Variants in ACYP2 observed in about 807,000 individuals in gnomAD.
ACYP2 encodes acylphosphatase-2.
Under a neutral mutation model 11.2 loss-of-function variants are expected in ACYP2, and 12 were observed. That is an observed-to-expected ratio of 1.08 (90% confidence interval 0.69 to 1.74). The LOEUF (loss-of-function observed/expected upper bound fraction) is 1.74. ACYP2 is among the 40% of genes most tolerant of loss of function. The probability of loss-of-function intolerance (pLI) is 0.00; values close to 1 mark genes in which losing one functional copy is unlikely to be tolerated. For missense variants in ACYP2, 134 were observed against 101.9 expected (o/e 1.31, Z -1.35); for synonymous variants, 43 against 32.2 (o/e 1.33, Z -1.13).
chr2:54,067,050 A>T (rs1676787082), intron 4 of ACYP2, among the ~76,000 whole-genome samples: 1 of 152,244 alleles, frequency 6.6e-6, no homozygotes, highest in Non-Finnish European at 1.5e-5. Flanking sequence ...CTCTGATGGT[A>T]ACACTTTTGT....
At chr2:54,113,096 AACAT>A (rs1444067026) in intron 4 of ACYP2, among the ~76,000 whole-genome samples, 1 of 152,188 alleles carries the variant, frequency 6.6e-6, no homozygotes, top group Non-Finnish European at 1.5e-5. Context: ...TCCTAATAGA[AACAT>A]ACATACACAT....
intron 4 of ACYP2, among the ~76,000 whole-genome samples, chr2:54,107,653 T>C (rs573410044): frequency 8.5e-5 from 13 of 152,356 alleles, no homozygotes; most frequent in Non-Finnish European, 1.8e-4. Context: ...TGAAAGAGGC[T>C]CTTGGTCACT....
At chr2:54,237,952 T>G (rs908694506) in intron 6 of ACYP2, among the ~76,000 whole-genome samples, 2 of 152,268 alleles carry the variant, frequency 1.3e-5, no homozygotes, top group Middle Eastern at 3.4e-3. Context: ...CGTTACTCGC[T>G]TGTCTCTATC....
At chr2:54,101,039 G>A (rs1259754104) in intron 4 of ACYP2, among the ~76,000 whole-genome samples, 1 of 152,198 alleles carries the variant, frequency 6.6e-6, no homozygotes, top group African/African-American at 2.4e-5. Context: ...TAGCAGCTGA[G>A]GGTACCACTA....
At chr2:54,204,697 T>A (rs1281094580) in intron 6 of ACYP2, among the ~76,000 whole-genome samples, 3 of 152,218 alleles carry the variant, frequency 2.0e-5, no homozygotes, top group African/African-American at 7.2e-5. Flanking sequence ...TGAGCTCCTT[T>A]GATCTAAAAA....
In ACYP2 at chr2:54,260,529, A is replaced by T. The variant is rs186752342; in HGVS notation, c.405-44159A>T. On this transcript the variant is annotated intron_variant, in intron 6 of 6. Coordinates refer to ENST00000607452, the MANE Select transcript of ACYP2 (RefSeq NM_001320586.2). The stretch of plus-strand genomic sequence containing the variant: ...GGCAAGAGAATAATTATAATAATTG[A>T]TCTTAGAGTTTAAGCTGGAGGACGG... Among the ~76,000 whole-genome samples the T allele has an allele frequency of 5.6e-4, 86 of 152,276 alleles. 1 individual carries two copies. The highest frequency in any genetic ancestry group is 1.0e-4 in the Non-Finnish European group (7 of 68,024).
At chr2:53,978,207 A>G (rs1338581788) in intron 2 of ACYP2, among the ~76,000 whole-genome samples, 1 of 151,088 alleles carries the variant, frequency 6.6e-6, no homozygotes, top group African/African-American at 2.4e-5. Context: ...GATTGCAGTG[A>G]GCTGAGATCG....
At position 54,240,373 on chromosome 2, in the gene ACYP2, T is replaced by C. The variant is rs116707755; in HGVS notation, c.405-64315T>C. On this transcript the variant is annotated intron_variant, in intron 6 of 6. Transcript: ENST00000607452. Reference sequence around the variant, plus strand: ...ATTCTGCATATGTGGTGAAGCCTTCTTGGTGAGCAGACAAACAAAAAAGAA... The same window carrying C: ...ATTCTGCATATGTGGTGAAGCCTTCCTGGTGAGCAGACAAACAAAAAAGAA... 3.5e-3 allele frequency among the ~76,000 whole-genome samples: 528 copies of C among 152,340 alleles called. 4 individuals are homozygous for C. Among genetic ancestry groups the C allele is most frequent in the African/African-American group, 0.012 (494 of 41,564 alleles).
chr2:54,138,015 G>C (rs558695694), intron 5 of ACYP2, among the ~76,000 whole-genome samples: 40 of 152,228 alleles, frequency 2.6e-4, no homozygotes, highest in Admixed American at 8.5e-4. Flanking sequence ...GTTTTCATTT[G>C]CATTTCTCTA....
intron 2 of ACYP2, among the ~76,000 whole-genome samples, chr2:54,015,302 G>A (rs555598920): frequency 3.3e-4 from 45 of 137,348 alleles, no homozygotes; most frequent in African/African-American, 1.0e-3. Context: ...ATGTGAGGAC[G>A]GGAGTTCAAG....
At chr2:54,198,143 C>A (rs1684594003) in intron 6 of ACYP2, among the ~76,000 whole-genome samples, 1 of 151,990 alleles carries the variant, frequency 6.6e-6, no homozygotes, top group Non-Finnish European at 1.5e-5. Flanking sequence ...CCTTAGCCTC[C>A]CAAGTATCTG....
intron 4 of ACYP2, 42 bp from the exon 1 acceptor site, chr2:54,115,573 G>A (rs1679703523): frequency 2.0e-6 from 3 of 1,536,926 alleles, no homozygotes; most frequent in African/African-American, 2.8e-5. Flanking sequence ...GCGCGCTAGC[G>A]TCCGGGACCG....
intron 4 of ACYP2, among the ~76,000 whole-genome samples, chr2:54,093,214 A>C (rs1334719769): frequency 6.6e-6 from 1 of 152,222 alleles, no homozygotes; most frequent in African/African-American, 2.4e-5. Flanking sequence ...TCACAGGAGG[A>C]AGTCAGCAGA....
chr2:54,109,135 T>C (rs188016415), intron 4 of ACYP2, among the ~76,000 whole-genome samples: 2 of 152,058 alleles, frequency 1.3e-5, no homozygotes, highest in Non-Finnish European at 2.9e-5. Flanking sequence ...ATTGCAAAAA[T>C]ATGGAACCAG....
At chr2:54,270,431 AGTTATC>A (rs1688237031) in intron 6 of ACYP2, among the ~76,000 whole-genome samples, 2 of 152,130 alleles carry the variant, frequency 1.3e-5, no homozygotes, top group African/African-American at 2.4e-5. Flanking sequence ...TTTTTTAGCC[AGTTATC>A]CTGGCAATTA....
chr2:54,036,967 T>A (rs1272311142), intron 2 of ACYP2, among the ~76,000 whole-genome samples: 1 of 152,210 alleles, frequency 6.6e-6, no homozygotes, highest in East Asian at 1.9e-4. Flanking sequence ...AGATCACTCA[T>A]TTAAGAGGAC....
intron 6 of ACYP2, among the ~76,000 whole-genome samples, chr2:54,147,078 G>A (rs1681929343): frequency 6.6e-6 from 1 of 152,124 alleles, no homozygotes; most frequent in Non-Finnish European, 1.5e-5. Flanking sequence ...TTATAGGTGT[G>A]AGCCACCGTG....
intron 6 of ACYP2, among the ~76,000 whole-genome samples, chr2:54,242,374 G>A (rs1364276719): frequency 6.6e-6 from 1 of 152,166 alleles, no homozygotes; most frequent in African/African-American, 2.4e-5. Context: ...GGCTTGTCTT[G>A]CCCATTTCAC....
Position 54,106,653 on chromosome 2 carries a change from G to C in ACYP2, c.278-28800G>C, listed in dbSNP as rs148918247. On this transcript the variant is annotated intron_variant, in intron 4 of 6. Coordinates refer to ENST00000607452, the MANE Select transcript of ACYP2 (RefSeq NM_001320586.2). ...CTGGAGGCTACAATGGCATGATCTC[G>C]GCTCACTGCAACCTCTGCCTCCTGG... Among the ~76,000 whole-genome samples, 5 of 152,170 alleles carry C rather than the reference G, an allele frequency of 3.3e-5. No individual in the cohort carries two copies. In the East Asian group the frequency reaches 5.8e-4, roughly 18 times the overall value.
Sources: allele counts gnomAD v4.1 joint callset (sites outside exome capture counted in the v4.1 genomes callset), GRCh38; gene constraint gnomAD v4.1.1; transcripts MANE v1.5; gene names NCBI Gene and HGNC (gene_info 2026-07-23, HGNC 2026-07-21).